The following UBE2K variants were observed in gnomAD, a reference collection of about 807,000 sequenced individuals.
The protein encoded by UBE2K is ubiquitin-conjugating enzyme E2 K.
A neutral mutation model predicts 30.0 loss-of-function variants in UBE2K; 6 were observed. That is an observed-to-expected ratio of 0.20 (90% CI 0.11 to 0.39). The LOEUF (loss-of-function observed/expected upper bound fraction) is 0.39, where lower values mean the gene tolerates loss of function less well. Among genes scored for constraint, UBE2K ranks in the 10% least tolerant of loss-of-function variants. The pLI is 1.00. For missense variants in UBE2K, 61 were observed against 241.6 expected (o/e 0.25, Z 4.96); for synonymous variants, 86 against 83.7 (o/e 1.03, Z -0.15).
intron 2 of UBE2K, among the ~76,000 whole-genome samples, chr4:39,744,526 A>C (rs1405388563): frequency 1.3e-5 from 2 of 152,150 alleles, no homozygotes; most frequent in African/African-American, 4.8e-5. Flanking sequence ...GATAACTTCA[A>C]AACGAAACAA....
At chr4:39,714,035 A>C (rs1438430465) in intron 1 of UBE2K, 1 of 152,250 alleles carries the variant, frequency 6.6e-6, no homozygotes, top group Non-Finnish European at 1.5e-5. Context: ...GACTACAGGT[A>C]CACCACCATG....
chr4:39,725,377 C>CAAAA (rs56021137), intron 1 of UBE2K, among the ~76,000 whole-genome samples: 4 of 69,292 alleles, frequency 5.8e-5, no homozygotes, highest in African/African-American at 1.8e-4. Flanking sequence ...GACCCTGTCT[C>CAAAA]AAAAAAAAAA....
Position 39,737,401 on chromosome 4 carries a change from T to A in UBE2K, c.64-19T>A. 6.8e-7 allele frequency: 1 copy of A among 1,475,804 alleles called. No homozygotes were observed. The highest frequency in any genetic ancestry group is 1.5e-5 in the African/African-American group (1 of 68,878). 91.4% of individuals were successfully genotyped at this position (1,475,804 alleles called of 1,614,324 possible). On this transcript the variant is annotated intron_variant, in intron 1 of 6. Transcript: ENST00000261427. ...TTCTTGCTGACATAACTAACATTTA[T>A]TTTCTGTTTATTTTTAAGACGAGCA... is the stretch of plus-strand genomic sequence containing the variant.
intron 1 of UBE2K, among the ~76,000 whole-genome samples, chr4:39,735,207 TTTTATTTA>T (rs1006677907): frequency 6.6e-6 from 1 of 152,162 alleles, no homozygotes; most frequent in Non-Finnish European, 1.5e-5. Context: ...AATTTTTTAT[TTTTATTTA>T]TTTATTTATT....
chr4:39,766,828 C>T (rs1197047461), intron 4 of UBE2K, among the ~76,000 whole-genome samples: 2 of 152,076 alleles, frequency 1.3e-5, no homozygotes, highest in Non-Finnish European at 2.9e-5. Context: ...CGGCTTACTG[C>T]AGCCTCTGCC....
At chr4:39,699,096 T>C (rs1717866363) in intron 1 of UBE2K, among the ~76,000 whole-genome samples, 1 of 152,236 alleles carries the variant, frequency 6.6e-6, no homozygotes, top group Admixed American at 6.5e-5. Context: ...TTTATTGACA[T>C]CTCAATCTTT....
At chr4:39,742,178 T>C (rs1201309966) in intron 2 of UBE2K, among the ~76,000 whole-genome samples, 1 of 151,258 alleles carries the variant, frequency 6.6e-6, no homozygotes, top group African/African-American at 2.4e-5. Context: ...ATCTGGAGTT[T>C]AATCAGAAAA....
intron 1 of UBE2K, among the ~76,000 whole-genome samples, chr4:39,732,885 A>G (rs1356907494): frequency 6.6e-6 from 1 of 152,000 alleles, no homozygotes; most frequent in East Asian, 1.9e-4. Context: ...CATATGGGCC[A>G]GGCTGGTCTC....
intron 1 of UBE2K, among the ~76,000 whole-genome samples, chr4:39,722,793 TTCTC>T (rs200247384): frequency 1.4e-5 from 2 of 142,640 alleles, no homozygotes; most frequent in African/African-American, 2.5e-5. Flanking sequence ...TATTCTCTTT[TTCTC>T]TCTTTTTTTT....
intron 1 of UBE2K, among the ~76,000 whole-genome samples, chr4:39,725,770 G>C (rs1309745226): frequency 6.6e-6 from 1 of 152,104 alleles, no homozygotes; most frequent in African/African-American, 2.4e-5. Context: ...AGCCTCCTGA[G>C]TATCTGGGAC....
rs1441803996 is a variant in UBE2K at position 39,771,033 on chromosome 4, C to G, written c.300-3801C>G. 1.2e-5 allele frequency: 19 copies of G among 1,612,136 alleles called. No individual in the cohort carries two copies. The East Asian group carries it at 1.6e-4, about 13-fold the overall frequency. On this transcript the variant is annotated intron_variant, in intron 4 of 6. Transcript: ENST00000261427. ...CAAGGCTAGCCTCACGGACCCCATC[C>G]TCTTTGAGGCCTATTTTGGGCTCAG...
chr4:39,730,294 C>T (rs1429788134), intron 1 of UBE2K, among the ~76,000 whole-genome samples: 2 of 152,102 alleles, frequency 1.3e-5, no homozygotes, highest in East Asian at 1.9e-4. Context: ...AAGTGATTCT[C>T]CCACTTCAAC....
chr4:39,748,337 C>G (rs1368366253), intron 3 of UBE2K, among the ~76,000 whole-genome samples: 2 of 152,166 alleles, frequency 1.3e-5, no homozygotes, highest in African/African-American at 4.8e-5. Context: ...CAAGTGATCC[C>G]TCCACCTTGG....
At chr4:39,736,527 T>C (rs1324290973) in intron 1 of UBE2K, among the ~76,000 whole-genome samples, 2 of 152,226 alleles carry the variant, frequency 1.3e-5, no homozygotes, top group Non-Finnish European at 2.9e-5. Context: ...GGATTTACTG[T>C]ATTTTTAACA....
At chr4:39,723,560 G>T (rs1481486971) in intron 1 of UBE2K, among the ~76,000 whole-genome samples, 1 of 151,710 alleles carries the variant, frequency 6.6e-6, no homozygotes, top group Non-Finnish European at 1.5e-5. Flanking sequence ...AGTAGAAACA[G>T]TGTTTCACTG....
At chr4:39,699,744 C>A (rs965787288) in intron 1 of UBE2K, among the ~76,000 whole-genome samples, 1 of 151,924 alleles carries the variant, frequency 6.6e-6, no homozygotes, top group Non-Finnish European at 1.5e-5. Context: ...GATGAGTATA[C>A]ATGGAGAAAA....
chr4:39,771,224 C>G, intron 4 of UBE2K: 1 of 1,612,356 alleles, frequency 6.2e-7, no homozygotes, highest in Non-Finnish European at 8.5e-7. Context: ...ATCAGGGAGA[C>G]CTGCAGCTCC....
At chr4:39,725,406 A>G (rs894190331) in intron 1 of UBE2K, among the ~76,000 whole-genome samples, 2 of 119,156 alleles carry the variant, frequency 1.7e-5, no homozygotes, top group Non-Finnish European at 3.4e-5. Flanking sequence ...AAAAAAAAAA[A>G]CACCTCTTGA....
intron 1 of UBE2K, among the ~76,000 whole-genome samples, chr4:39,714,902 AGTGCAATG>A (rs1188640884): frequency 6.6e-6 from 1 of 151,490 alleles, no homozygotes. Context: ...CCCAGGATAG[AGTGCAATG>A]GTGCAATGAT....
Sources: gnomAD v4.1 joint callset for allele counts (sites outside exome capture counted in the v4.1 genomes callset) on GRCh38, gnomAD v4.1.1 for gene constraint, MANE v1.5 for transcripts, NCBI Gene and HGNC (gene_info 2026-07-23, HGNC 2026-07-21) for gene names.